Variants in HOOK3 observed in about 807,000 individuals in gnomAD.
HOOK3 encodes the protein protein Hook homolog 3.
In HOOK3, 24 loss-of-function variants were observed where a neutral mutation model predicts 116.3. The observed-to-expected ratio is 0.21, with a 90% CI of 0.15 to 0.29. The LOEUF (loss-of-function observed/expected upper bound fraction) is 0.29, where lower values mean the gene tolerates loss of function less well. Among genes scored for constraint, HOOK3 ranks in the 10% least tolerant of loss-of-function variants. The pLI, the probability that HOOK3 is intolerant of heterozygous loss-of-function variation, is 1.00. For missense variants in HOOK3, 632 were observed against 830.2 expected, an observed-to-expected ratio of 0.76 and a Z score of 2.93; for synonymous variants, 275 against 283.0, an observed-to-expected ratio of 0.97 and a Z score of 0.28.
intron 13 of HOOK3, among the ~76,000 whole-genome samples, chr8:42,975,676 G>A (rs1808808426): frequency 6.6e-6 from 1 of 152,196 alleles, no homozygotes; most frequent in Non-Finnish European, 1.5e-5. Flanking sequence ...AACAAAAGTA[G>A]TGTAATAGAG....
At chr8:43,010,676 C>T (rs1338894655) in intron 19 of HOOK3, among the ~76,000 whole-genome samples, 1 of 152,186 alleles carries the variant, frequency 6.6e-6, no homozygotes, top group African/African-American at 2.4e-5. Context: ...AAATTAACAA[C>T]ACCAATTAAT....
chr8:42,943,331 A>T lies in HOOK3; in HGVS notation c.286A>T (p.Asn96Tyr). 6.6e-7 allele frequency: 1 copy of T among 1,506,102 alleles called. No individual in the cohort carries two copies. The highest frequency in any genetic ancestry group is 2.4e-5 in the East Asian group (1 of 41,690). 93.3% of individuals were successfully genotyped at this position (1,506,102 alleles called of 1,614,324 possible). A position where few individuals can be genotyped will look rare whatever the true frequency, so the allele number is the denominator to read the frequency against. Residue 96 changes from asparagine (N) to tyrosine (Y), a missense_variant, in exon 5 of 22, where the codon AAT (asparagine) becomes TAT (tyrosine). Asn to Tyr is a moderately radical substitution (Grantham distance 143). Around this residue, in one of 3 missense-constraint regions of HOOK3, gnomAD observed 141 missense variants for 150.8 expected, o/e 0.93. Coordinates refer to ENST00000307602, the MANE Select transcript of HOOK3 (RefSeq NM_032410.4). ...YNHEILGQQINDFTLPDVNLI... is the reference protein window; with the variant it reads ...YNHEILGQQIYDFTLPDVNLI... ...CATTCAGATTTTAGGACAGCAAATT[A>T]ATGACTTTACCCTTCCTGATGTGAA...
At chr8:42,959,624 C>G (rs1015609318) in intron 8 of HOOK3, among the ~76,000 whole-genome samples, 9 of 143,894 alleles carry the variant, frequency 6.3e-5, no homozygotes, top group Non-Finnish European at 1.2e-4. Context: ...GAGGCTGAGG[C>G]AGGAGAATTG....
chr8:43,008,017 A>AT, intron 18 of HOOK3, 88 bp downstream of exon 18: 1 of 556,186 alleles, frequency 1.8e-6, no homozygotes, highest in Non-Finnish European at 2.9e-6. Context: ...TTAATTATTT[A>AT]TTTTTTATTT....
Position 43,028,534 on chromosome 8 carries a change from T to C in HOOK3, c.*10036T>C. 1 of 188,412 alleles carries C rather than the reference T, an allele frequency of 5.3e-6. No individual in the cohort carries two copies. Among genetic ancestry groups the C allele is most frequent in the Non-Finnish European group, 1.1e-5 (1 of 89,510 alleles). 11.7% of individuals were successfully genotyped at this position (188,412 alleles called of 1,614,324 possible). A position where few individuals can be genotyped will look rare whatever the true frequency, so the allele number is the denominator to read the frequency against. ...GTTTCTGTCCCTTAAACATTTCCCC[T>C]GAAAGTCCACCTCAAAGGTACATCA... On this transcript the variant is annotated 3_prime_UTR_variant, in exon 22 of 22. Transcript: ENST00000307602.
At position 42,959,314 on chromosome 8, in the gene HOOK3, GGTAAGAGATTT is replaced by G. The variant is rs1309247812; in HGVS notation, c.615+3_615+13del. On this transcript the variant is annotated splice_donor_variant and splice_donor_5th_base_variant and intron_variant, in intron 8 of 21. Transcript: ENST00000307602. LOFTEE classifies it high-confidence loss of function. ...AAAGATGCCATGAACTGGATATGCA[GGTAAGAGATTT>G]GTTCTGTGCACCACCTCTTTGAAAC... 1.2e-6 allele frequency: 2 copies of G among 1,602,998 alleles called. No homozygotes were observed. Among genetic ancestry groups the G allele is most frequent in the Non-Finnish European group, 1.7e-6 (2 of 1,170,142 alleles).
intron 7 of HOOK3, among the ~76,000 whole-genome samples, chr8:42,958,085 G>A (rs1463904973): frequency 6.6e-6 from 1 of 152,148 alleles, no homozygotes; most frequent in Non-Finnish European, 1.5e-5. Flanking sequence ...ACCAGCCTCG[G>A]CTTCCCAAAG....
At chr8:43,015,009 T>C (rs1433125577) in intron 21 of HOOK3, among the ~76,000 whole-genome samples, 2 of 151,490 alleles carry the variant, frequency 1.3e-5, no homozygotes, top group Non-Finnish European at 2.9e-5. Flanking sequence ...TAGCCAGGCA[T>C]GGTGGCACAT....
intron 15 of HOOK3, among the ~76,000 whole-genome samples, chr8:42,987,302 G>C (rs549878329): frequency 2.0e-5 from 3 of 152,260 alleles, no homozygotes; most frequent in African/African-American, 7.2e-5. Flanking sequence ...AAAACATTGG[G>C]CCTTTTTAGA....
At position 42,949,970 on chromosome 8, in the gene HOOK3, A is replaced by G. The variant is rs561901469; in HGVS notation, c.401-418A>G. Among the ~76,000 whole-genome samples, 21 of 152,286 alleles carry G rather than the reference A, an allele frequency of 1.4e-4. No individual in the cohort carries two copies. The South Asian group carries it at 4.4e-3, about 32-fold the overall frequency. On this transcript the variant is annotated intron_variant, in intron 5 of 21. Coordinates refer to ENST00000307602, the MANE Select transcript of HOOK3 (RefSeq NM_032410.4). ...GAATAATGCAGCACGTTGATGTCAC[A>G]TAAAAATAAAGCACAGAGTTCAAAG...
At chr8:42,911,853 G>A (rs748765959) in intron 2 of HOOK3, among the ~76,000 whole-genome samples, 3 of 152,186 alleles carry the variant, frequency 2.0e-5, no homozygotes, top group Non-Finnish European at 4.4e-5. Flanking sequence ...AGCTGGATGT[G>A]TCATGAGTGT....
At chr8:42,993,553 G>GT (rs1391130607) in intron 15 of HOOK3, among the ~76,000 whole-genome samples, 1 of 152,022 alleles carries the variant, frequency 6.6e-6, no homozygotes, top group Non-Finnish European at 1.5e-5. Flanking sequence ...TTCTTCCTCT[G>GT]TTTTTCAGAA....
At chr8:43,005,476 C>T (rs1318544249) in intron 17 of HOOK3, among the ~76,000 whole-genome samples, 1 of 151,734 alleles carries the variant, frequency 6.6e-6, no homozygotes, top group Non-Finnish European at 1.5e-5. Flanking sequence ...CCTGCCTCGG[C>T]CTTCCAAAGT....
At chr8:42,906,137 A>G in intron 1 of HOOK3, 36 bp from the exon 2 acceptor site, 1 of 753,474 alleles carries the variant, frequency 1.3e-6, no homozygotes, top group Non-Finnish European at 2.2e-6. Flanking sequence ...AGGTAACCAC[A>G]GAATCTCTCC....
chr8:42,971,230 C>T (rs1203317705), intron 11 of HOOK3, among the ~76,000 whole-genome samples: 1 of 151,996 alleles, frequency 6.6e-6, no homozygotes, highest in Non-Finnish European at 1.5e-5. Context: ...CAGTATATTA[C>T]AAAGATTGCT....
chr8:43,013,220 A>G (rs1047507336), intron 20 of HOOK3, 65 bp downstream of exon 20: 24 of 1,425,074 alleles, frequency 1.7e-5, no homozygotes, highest in Non-Finnish European at 2.1e-5. Context: ...GAGCCTTGTT[A>G]TATTTTACAA....
chr8:42,909,223 G>A (rs1320267337), intron 2 of HOOK3, among the ~76,000 whole-genome samples: 1 of 152,184 alleles, frequency 6.6e-6, no homozygotes, highest in East Asian at 1.9e-4. Flanking sequence ...AATTAGTACA[G>A]CCATTATGGA....
At chr8:42,910,773 A>G (rs1049929101) in intron 2 of HOOK3, among the ~76,000 whole-genome samples, 4 of 152,240 alleles carry the variant, frequency 2.6e-5, no homozygotes, top group African/African-American at 9.6e-5. Context: ...TAAAACTACC[A>G]GCCACATAGA....
At chr8:42,999,929 G>A (rs924780477) in intron 16 of HOOK3, among the ~76,000 whole-genome samples, 4 of 152,008 alleles carry the variant, frequency 2.6e-5, no homozygotes, top group East Asian at 1.9e-4. Flanking sequence ...GGCAGATCAC[G>A]AGGTCAGGAG....
Sources: gnomAD v4.1 joint callset for allele counts (sites outside exome capture counted in the v4.1 genomes callset) on GRCh38, gnomAD v4.1.1 for gene constraint, gnomAD v4.1.1 regional missense constraint, MANE v1.5 for transcripts, NCBI Gene and HGNC (gene_info 2026-07-23, HGNC 2026-07-21) for gene names.